The following PLCXD3 variants were observed in gnomAD, a reference collection of about 807,000 sequenced individuals.
PLCXD3 encodes phosphatidylinositol specific phospholipase C X domain containing 3, also known as PI-PLC X domain-containing protein 3.
PLCXD3 carries 19 observed loss-of-function variants against 25.5 expected under a neutral mutation model. The ratio of observed to expected loss-of-function variants is 0.75; its 90% confidence interval spans 0.52 to 1.09. The LOEUF (loss-of-function observed/expected upper bound fraction) is 1.09, where lower values mean the gene tolerates loss of function less well. Among genes scored for constraint, PLCXD3 ranks in the 50% least tolerant of loss-of-function variants. The pLI, the probability that PLCXD3 is intolerant of heterozygous loss-of-function variation, is 0.00. For missense variants in PLCXD3, 411 were observed against 388.1 expected, an observed-to-expected ratio of 1.06 and a Z score of -0.50; for synonymous variants, 174 against 137.6, an observed-to-expected ratio of 1.26 and a Z score of -1.85.
At chr5:41,489,815 C>G (rs1357883097) in intron 1 of PLCXD3, among the ~76,000 whole-genome samples, 4 of 151,224 alleles carry the variant, frequency 2.6e-5, no homozygotes, top group Non-Finnish European at 5.9e-5. Flanking sequence ...AGTTGCTTAT[C>G]AGCTTAAGGA....
chr5:41,504,927 A>T, intron 1 of PLCXD3, among the ~76,000 whole-genome samples: 1 of 152,206 alleles, frequency 6.6e-6, no homozygotes, highest in East Asian at 1.9e-4. Flanking sequence ...CTCTGATTTT[A>T]CTTTTGGACT....
chr5:41,406,893 T>C (rs1410259037), intron 1 of PLCXD3, among the ~76,000 whole-genome samples: 1 of 152,234 alleles, frequency 6.6e-6, no homozygotes, highest in Non-Finnish European at 1.5e-5. Flanking sequence ...TTGTCTCATT[T>C]TCATTAACAA....
chr5:41,414,112 A>T (rs571894537), intron 1 of PLCXD3, among the ~76,000 whole-genome samples: 2 of 152,362 alleles, frequency 1.3e-5, no homozygotes, highest in South Asian at 2.1e-4. Context: ...ACTATACTAT[A>T]GCCCAGTGAA....
intron 1 of PLCXD3, among the ~76,000 whole-genome samples, chr5:41,424,422 C>G (rs1746902123): frequency 6.6e-6 from 1 of 152,114 alleles, no homozygotes; most frequent in Admixed American, 6.5e-5. Flanking sequence ...TGCCTGTAAT[C>G]CCAGCTACTC....
intron 2 of PLCXD3, among the ~76,000 whole-genome samples, chr5:41,358,294 C>G (rs115561837): frequency 6.6e-6 from 1 of 152,080 alleles, no homozygotes; most frequent in Non-Finnish European, 1.5e-5. Context: ...CTTTGGGCTA[C>G]TTATTTTTTT....
chr5:41,392,377 A>G (rs1351294251), intron 1 of PLCXD3, among the ~76,000 whole-genome samples: 1 of 152,260 alleles, frequency 6.6e-6, no homozygotes, highest in East Asian at 1.9e-4. Flanking sequence ...GACTCTGTAT[A>G]TTTGGGATAA....
In PLCXD3 at chr5:41,503,372, GT is replaced by G. The variant is rs1232308881; in HGVS notation, c.103+7051del. ...AATTAACTCACAGAAATAATTCTAT[GT>G]AAAACATAACATTAGCTCGCATTTA... On this transcript the variant is annotated intron_variant, in intron 1 of 2. Coordinates refer to ENST00000377801, the MANE Select transcript of PLCXD3 (RefSeq NM_001005473.3). 2.0e-5 allele frequency among the ~76,000 whole-genome samples: 3 copies of G among 152,280 alleles called. No homozygotes were observed. The East Asian group carries it at 5.8e-4, about 29-fold the overall frequency.
intron 1 of PLCXD3, among the ~76,000 whole-genome samples, chr5:41,417,072 TA>T (rs1746710987): frequency 2.6e-5 from 4 of 152,222 alleles, no homozygotes; most frequent in Admixed American, 2.6e-4. Flanking sequence ...TGGCCAACAC[TA>T]ACATGTCTAT....
chr5:41,501,826 A>G (rs1337319241), intron 1 of PLCXD3, among the ~76,000 whole-genome samples: 3 of 152,122 alleles, frequency 2.0e-5, no homozygotes, highest in African/African-American at 4.8e-5. Context: ...AGAATTAACC[A>G]TTACCTTTGG....
At chr5:41,509,614 G>A (rs185460152) in intron 1 of PLCXD3, among the ~76,000 whole-genome samples, 1 of 152,250 alleles carries the variant, frequency 6.6e-6, no homozygotes, top group African/African-American at 2.4e-5. Flanking sequence ...CACCTTTTCC[G>A]TACTATTTGC....
At chr5:41,424,376 A>G (rs1746900970) in intron 1 of PLCXD3, among the ~76,000 whole-genome samples, 1 of 152,184 alleles carries the variant, frequency 6.6e-6, no homozygotes, top group Non-Finnish European at 1.5e-5. Flanking sequence ...CCCCGTCTCT[A>G]CTAAAAATAC....
Position 41,311,025 on chromosome 5 carries a change from A to G in PLCXD3, c.*2592T>C, listed in dbSNP as rs2150465667. The G allele has an allele frequency of 6.6e-6, 1 of 152,318 alleles. No homozygotes were observed. The highest frequency in any genetic ancestry group is 1.5e-5 in the Non-Finnish European group (1 of 68,010). The allele number at this position is 152,318 out of a possible 1,614,324, so 9.4% of individuals were successfully genotyped here. On this transcript the variant is annotated 3_prime_UTR_variant, in exon 3 of 3. Transcript: ENST00000377801. ...TTCTAAGCAAACACTATGAGAAAGT[A>G]TCTAGGTTCAAGAAAATACAACATA...
At chr5:41,385,016 A>C (rs1745592807) in intron 1 of PLCXD3, among the ~76,000 whole-genome samples, 1 of 152,144 alleles carries the variant, frequency 6.6e-6, no homozygotes, top group African/African-American at 2.4e-5. Context: ...TATATAATAT[A>C]GTGTTGGCTA....
chr5:41,371,696 T>C (rs151044851), intron 2 of PLCXD3, among the ~76,000 whole-genome samples: 4 of 152,266 alleles, frequency 2.6e-5, no homozygotes, highest in African/African-American at 7.2e-5. Context: ...TTCAACTACA[T>C]GTTTGTGCCT....
At chr5:41,355,651 T>C (rs77287367) in intron 2 of PLCXD3, among the ~76,000 whole-genome samples, 1 of 152,326 alleles carries the variant, frequency 6.6e-6, no homozygotes, top group African/African-American at 2.4e-5. Context: ...ACACAGACTT[T>C]ATATGTTTAA....
intron 1 of PLCXD3, among the ~76,000 whole-genome samples, chr5:41,389,247 G>T (rs1000457903): frequency 6.6e-6 from 1 of 152,088 alleles, no homozygotes; most frequent in Admixed American, 6.6e-5. Flanking sequence ...TCAGCCCTCA[G>T]TGCTTCTCCC....
At chr5:41,460,046 A>C (rs961975911) in intron 1 of PLCXD3, among the ~76,000 whole-genome samples, 1 of 151,968 alleles carries the variant, frequency 6.6e-6, no homozygotes, top group Non-Finnish European at 1.5e-5. Flanking sequence ...GCAGAGAGAA[A>C]AGGAACTACA....
At chr5:41,502,336 G>T (rs1024995896) in intron 1 of PLCXD3, among the ~76,000 whole-genome samples, 1 of 152,006 alleles carries the variant, frequency 6.6e-6, no homozygotes, top group South Asian at 2.1e-4. Flanking sequence ...ATCAGTTTAG[G>T]TGAGGTGGGA....
At chr5:41,334,961 C>T (rs924145721) in intron 2 of PLCXD3, among the ~76,000 whole-genome samples, 12 of 152,088 alleles carry the variant, frequency 7.9e-5, no homozygotes, top group African/African-American at 2.7e-4. Flanking sequence ...GAAAGCTTTG[C>T]AATTTTTAAA....
Sources: allele counts gnomAD v4.1 joint callset (sites outside exome capture counted in the v4.1 genomes callset), GRCh38; gene constraint gnomAD v4.1.1; transcripts MANE v1.5; gene names NCBI Gene and HGNC (gene_info 2026-07-23, HGNC 2026-07-21).